The following SYNE1 variants were observed in gnomAD, a reference collection of about 807,000 sequenced individuals.
SYNE1 encodes nesprin-1.
Under a neutral mutation model 1,111.0 loss-of-function variants are expected in SYNE1, and 616 were observed. The observed-to-expected ratio is 0.55, with a 90% CI of 0.52 to 0.59. The LOEUF is 0.59. Among genes scored for constraint, SYNE1 ranks in the 20% least tolerant of loss-of-function variants. SYNE1 has a pLI of 0.00. For synonymous variants in SYNE1, 3,855 were observed against 3,825.8 expected (o/e 1.01, Z -0.28); for missense variants, 10,006 against 10,417.0 (o/e 0.96, Z 1.72).
intron 55 of SYNE1, among the ~76,000 whole-genome samples, chr6:152,381,955 TTAAAG>T (rs145886864): frequency 9.2e-5 from 14 of 152,332 alleles, no homozygotes; most frequent in Non-Finnish European, 1.8e-4. Flanking sequence ...ACTCAAAAGT[TTAAAG>T]TAACCTCTAG....
chr6:152,451,389 C>A (rs2098648002), intron 25 of SYNE1, among the ~76,000 whole-genome samples, 184 bp from the exon 26 acceptor site: 1 of 150,890 alleles, frequency 6.6e-6, no homozygotes. Context: ...AGGACCACAG[C>A]AAATCCTTTC....
At chr6:152,528,087 T>G (rs1290268533) in intron 4 of SYNE1, among the ~76,000 whole-genome samples, 2 of 152,226 alleles carry the variant, frequency 1.3e-5, no homozygotes, top group East Asian at 3.9e-4. Flanking sequence ...CCCAAAACTC[T>G]GTGACCAGAC....
chr6:152,158,384 C>T (rs1247335318), intron 131 of SYNE1, among the ~76,000 whole-genome samples: 1 of 152,064 alleles, frequency 6.6e-6, no homozygotes, highest in Non-Finnish European at 1.5e-5. Flanking sequence ...CGCAGATACC[C>T]GGGATTTATA....
At chr6:152,192,454 A>T (rs1169576513) in intron 127 of SYNE1, among the ~76,000 whole-genome samples, 1 of 151,506 alleles carries the variant, frequency 6.6e-6, no homozygotes, top group Admixed American at 6.6e-5. Context: ...CAGAAAACCA[A>T]GGAAAAAAAT....
rs145899734 is a variant in SYNE1, at chr6:152,310,431, G to T, written c.16984C>A (p.Arg5662Ser). The T allele has an allele frequency of 4.1e-4, 663 of 1,614,132 alleles. 3 individuals carry two copies. Among genetic ancestry groups the T allele is most frequent in the South Asian group, 3.5e-3 (319 of 91,084 alleles). Residue 5662 changes from arginine (R) to serine (S), a missense_variant, in exon 89 of 146, where the codon CGT becomes AGT. Physicochemically the swap from Arg to Ser is moderately radical, Grantham distance 110 (BLOSUM62 -1). Around this residue, in one of 7 missense-constraint regions of SYNE1, gnomAD observed 4,955 missense variants for 5,017.2 expected, o/e 0.99. Transcript: ENST00000367255. The part of the protein sequence containing the change: ...QATLTSPEVG[R>S]LSLKEQLSHR... The stretch of plus-strand genomic sequence containing the variant: ...GAGAGCTGCTCCTTGAGACTGAGAC[G>T]TCCAACTTCTGGAGAAGTCAGTGTT...
At position 152,453,594 on chromosome 6, in the gene SYNE1, G is replaced by T. The variant is rs1470797918; in HGVS notation, c.3019C>A (p.Gln1007Lys). ...GTCCTGTCCTGACTCACCTTCCATT[G>T]TTTGTGGAGCTTTCGAACAGCTTCC... ...LQEAVRKLHK[Q>K]WKDLQGEAPY... The change falls in exon 25 of 146, where the codon CAA becomes AAA. Residue 1007 changes from glutamine (Q) to lysine (K), a missense_variant. Transcript: ENST00000367255. 1 of 1,614,198 alleles carries T rather than the reference G, an allele frequency of 6.2e-7. No homozygotes were observed. The highest frequency in any genetic ancestry group is 1.1e-5 in the South Asian group (1 of 91,090).
At position 152,407,103 on chromosome 6, in the gene SYNE1, A is replaced by G. The variant is rs1429889994; in HGVS notation, c.6634T>C (p.Trp2212Arg). The G allele has an allele frequency of 6.2e-7, 1 of 1,613,636 alleles. No homozygotes were observed. Among genetic ancestry groups the G allele is most frequent in the Non-Finnish European group, 8.5e-7 (1 of 1,179,792 alleles). ...ATCTGTGGAACGCAGTTGTTTGACC[A>G]TCCCTCAATCTCATCTCTAGTTGAC... is the stretch of plus-strand genomic sequence containing the variant. ...VLSTRDEIEG[W>R]SNNCVPQMAE... Residue 2212 changes from tryptophan (W) to arginine (R), a missense_variant, in exon 45 of 146, where the codon TGG (tryptophan) becomes CGG (arginine). Trp to Arg is a moderately radical substitution (Grantham distance 101). Transcript: ENST00000367255.
At position 152,387,789 on chromosome 6, in the gene SYNE1, G is replaced by A. The variant is rs532026433; in HGVS notation, c.8178-408C>T. Reference sequence around the variant, plus strand: ...ATAGTTTATCTTATTAAAATCAGATGGTGATTATTTGTTGACTGGAATTCA... The same window carrying A: ...ATAGTTTATCTTATTAAAATCAGATAGTGATTATTTGTTGACTGGAATTCA... On this transcript the variant is annotated intron_variant, in intron 53 of 145. Coordinates refer to ENST00000367255, the MANE Select transcript of SYNE1 (RefSeq NM_182961.4). Among the ~76,000 whole-genome samples, 12 of 152,180 alleles carry A rather than the reference G, an allele frequency of 7.9e-5. No individual in the cohort carries two copies. In the Middle Eastern group the frequency reaches 0.014, roughly 173 times the overall value.
chr6:152,137,603 G>A (rs2152760971), intron 140 of SYNE1, among the ~76,000 whole-genome samples: 1 of 152,288 alleles, frequency 6.6e-6, no homozygotes, highest in Non-Finnish European at 1.5e-5. Context: ...ACAGGAGTCT[G>A]TATTAGTAAT....
intron 74 of SYNE1, among the ~76,000 whole-genome samples, chr6:152,342,758 A>C (rs1468338173): frequency 6.6e-6 from 1 of 152,246 alleles, no homozygotes; most frequent in African/African-American, 2.4e-5. Context: ...GTTTAAAAAA[A>C]ATATTTCCCA....
chr6:152,444,355 C>T, intron 30 of SYNE1, 56 bp downstream of exon 30: 1 of 1,585,248 alleles, frequency 6.3e-7, no homozygotes, highest in South Asian at 1.1e-5. Flanking sequence ...CTCTCTGGTT[C>T]TTTCAGTAGC....
chr6:152,571,810 G>A (rs370064082), intron 3 of SYNE1, among the ~76,000 whole-genome samples: 28 of 152,222 alleles, frequency 1.8e-4, no homozygotes, highest in African/African-American at 5.8e-4. Flanking sequence ...AATTTAAAAA[G>A]GAAAGAGTAA....
intron 87 of SYNE1, among the ~76,000 whole-genome samples, chr6:152,314,406 G>A (rs1383852423): frequency 6.6e-6 from 1 of 152,052 alleles, no homozygotes; most frequent in East Asian, 1.9e-4. Context: ...TGTTTTTCAG[G>A]ACTCAGCCCA....
rs199827712 is a variant in SYNE1 at position 152,370,134 on chromosome 6, T to G, written c.9508-520A>C. 2.6e-5 allele frequency among the ~76,000 whole-genome samples: 4 copies of G among 152,198 alleles called. No homozygotes were observed. In the East Asian group the frequency reaches 5.8e-4, roughly 22 times the overall value. ...GGTTCTCCTTTTGAAAATAGAATTT[T>G]TCCCCCCTAACTCTCTGGCCCACTT... On this transcript the variant is annotated intron_variant, in intron 59 of 145. Transcript: ENST00000367255.
At chr6:152,483,709 C>T (rs2098922692) in intron 13 of SYNE1, among the ~76,000 whole-genome samples, 1 of 152,106 alleles carries the variant, frequency 6.6e-6, no homozygotes, top group South Asian at 2.1e-4. Context: ...TGAGGATTAT[C>T]TAAGCAGCTC....
intron 142 of SYNE1, 43 bp downstream of exon 142, chr6:152,135,061 C>T: frequency 6.2e-7 from 1 of 1,613,692 alleles, no homozygotes; most frequent in Non-Finnish European, 8.5e-7. Flanking sequence ...AAATGCAACC[C>T]TGCTAAAAAT....
chr6:152,619,733 TG>T (rs1238571711), intron 3 of SYNE1, among the ~76,000 whole-genome samples: 1 of 152,016 alleles, frequency 6.6e-6, no homozygotes, highest in Non-Finnish European at 1.5e-5. Flanking sequence ...GGCGGGGCAG[TG>T]ACACACAAGT....
In SYNE1 at chr6:152,321,716, T is replaced by C. The variant is rs1292748927; in HGVS notation, c.16083+5A>G. On this transcript the variant is annotated splice_donor_5th_base_variant and intron_variant, in intron 83 of 145. Transcript: ENST00000367255. Reference sequence around the variant, plus strand: ...GGTAAAGAGAATGAGGAGACTTTTTTGTACCTGAAGTTCTTCAAGTTGAGC... The same window carrying C: ...GGTAAAGAGAATGAGGAGACTTTTTCGTACCTGAAGTTCTTCAAGTTGAGC... The C allele has an allele frequency of 2.5e-6, 4 of 1,614,042 alleles. No individual in the cohort carries two copies. Among genetic ancestry groups the C allele is most frequent in the Admixed American group, 1.7e-5 (1 of 60,022 alleles).
chr6:152,186,135 A>T (rs1269631881), intron 128 of SYNE1, among the ~76,000 whole-genome samples: 1 of 152,210 alleles, frequency 6.6e-6, no homozygotes, highest in Admixed American at 6.5e-5. Context: ...GAATAATAAC[A>T]CAATGCCACA....
Sources: gnomAD v4.1 joint callset for allele counts (sites outside exome capture counted in the v4.1 genomes callset) on GRCh38, gnomAD v4.1.1 for gene constraint, gnomAD v4.1.1 regional missense constraint, MANE v1.5 for transcripts, NCBI Gene and HGNC (gene_info 2026-07-23, HGNC 2026-07-21) for gene names.